Variants in CALN1 observed in about 807,000 individuals in gnomAD.
CALN1 encodes calcium-binding protein 8.
In CALN1, 17 loss-of-function variants were observed where a neutral mutation model predicts 30.6. That is an observed-to-expected ratio of 0.56 (90% confidence interval 0.38 to 0.83). The LOEUF (loss-of-function observed/expected upper bound fraction) is 0.83. CALN1 is among the 40% of genes least tolerant of loss of function. CALN1 has a pLI of 0.00. For missense variants in CALN1, 291 were observed against 354.9 expected (o/e 0.82, Z 1.45); for synonymous variants, 156 against 131.4 (o/e 1.19, Z -1.28).
At chr7:72,292,591 C>A (rs987247904) in intron 2 of CALN1, among the ~76,000 whole-genome samples, 5 of 151,426 alleles carry the variant, frequency 3.3e-5, no homozygotes, top group African/African-American at 7.3e-5. Context: ...GAGGCCAAGG[C>A]AGGTGGATCA....
chr7:72,261,754 A>AC (rs1796287319), intron 3 of CALN1, among the ~76,000 whole-genome samples: 1 of 152,170 alleles, frequency 6.6e-6, no homozygotes, highest in South Asian at 2.1e-4. Context: ...CAGGAAAAAA[A>AC]CACCACCACC....
intron 3 of CALN1, among the ~76,000 whole-genome samples, chr7:72,191,294 A>T (rs889752751): frequency 6.6e-6 from 1 of 152,138 alleles, no homozygotes; most frequent in Non-Finnish European, 1.5e-5. Flanking sequence ...GTGTAAGAGG[A>T]AGGAGAAATG....
At chr7:72,413,590 A>C (rs1001666325), upstream of CALN1, among the ~76,000 whole-genome samples, 69 of 151,864 alleles carry the variant, frequency 4.5e-4, no homozygotes, top group Non-Finnish European at 9.3e-4. Flanking sequence ...ACTCATACAT[A>C]TACACACTAA....
intron 5 of CALN1, among the ~76,000 whole-genome samples, chr7:72,013,135 A>G (rs1181242121): frequency 6.6e-6 from 1 of 151,420 alleles, no homozygotes; most frequent in African/African-American, 2.4e-5. Context: ...TGCTCCATTT[A>G]CCATAACCAT....
At chr7:72,440,968 T>C (rs542703999) in intron 1 of CALN1, among the ~76,000 whole-genome samples, 119 of 152,348 alleles carry the variant, frequency 7.8e-4, no homozygotes, top group African/African-American at 2.8e-3. Flanking sequence ...TTTTTTATGT[T>C]TAGTTTATGA....
At chr7:72,003,106 T>C (rs989234322) in intron 5 of CALN1, among the ~76,000 whole-genome samples, 1 of 152,236 alleles carries the variant, frequency 6.6e-6, no homozygotes, top group Admixed American at 6.5e-5. Flanking sequence ...CATTCCACAA[T>C]GTATACAGAT....
chr7:72,173,116 T>C (rs1789084096), intron 3 of CALN1, among the ~76,000 whole-genome samples: 1 of 152,060 alleles, frequency 6.6e-6, no homozygotes, highest in Non-Finnish European at 1.5e-5. Flanking sequence ...AACAAGGTCA[T>C]AGGATACAAG....
intron 2 of CALN1, chr7:72,337,003 C>G (rs551464802): frequency 1.0e-6 from 1 of 985,484 alleles, no homozygotes; most frequent in Non-Finnish European, 1.2e-6. Context: ...GTCCTCTGCT[C>G]TCGTCTGGGG....
the CALN1 span, among the ~76,000 whole-genome samples, chr7:72,467,434 G>A: frequency 3.9e-5 from 6 of 152,228 alleles, no homozygotes; most frequent in South Asian, 2.1e-4. Context: ...CCTGGAGCTC[G>A]GCCAGGACTC....
At position 72,412,136 on chromosome 7, in the gene CALN1, G is replaced by A. The variant is rs1807210582; in HGVS notation, c.-152C>T. On this transcript the variant is annotated 5_prime_UTR_variant, in exon 1 of 7. Transcript: ENST00000395275. ...AATAAAACCACGGACCTCGCGGTGA[G>A]TGTTACAGCTCTTAAAGATGGCGCG... 3 of 152,838 alleles carry A rather than the reference G, an allele frequency of 2.0e-5. No individual in the cohort carries two copies. The highest frequency in any genetic ancestry group is 2.4e-5 in the African/African-American group (1 of 41,408). The allele number at this position is 152,838 out of a possible 1,614,324, so 9.5% of individuals were successfully genotyped here.
chr7:72,292,482 C>A (rs1217254949), intron 2 of CALN1, among the ~76,000 whole-genome samples: 14 of 148,450 alleles, frequency 9.4e-5, no homozygotes, highest in African/African-American at 3.5e-4. Flanking sequence ...ACCCAATCAC[C>A]TCTCAAAGGC....
chr7:71,884,746 A>G (rs896688842), intron 5 of CALN1, among the ~76,000 whole-genome samples: 3 of 152,120 alleles, frequency 2.0e-5, no homozygotes, highest in Non-Finnish European at 2.9e-5. Context: ...ATTACACAAC[A>G]AGGAATCAAA....
chr7:71,816,451 C>A (rs564077990), intron 5 of CALN1, among the ~76,000 whole-genome samples: 1 of 152,026 alleles, frequency 6.6e-6, no homozygotes, highest in African/African-American at 2.4e-5. Context: ...GATGAGAACA[C>A]CAAGACCCCC....
chr7:72,030,418 C>A lies in CALN1; in HGVS notation c.389-6649G>T, dbSNP rs563637441. Among the ~76,000 whole-genome samples, 11 of 152,312 alleles carry A rather than the reference C, an allele frequency of 7.2e-5. No individual in the cohort carries two copies. The East Asian group carries it at 2.1e-3, about 29-fold the overall frequency. ...CCTCTAATCTACAATTCTATACCAA[C>A]CCTACTGGTAACATAAACATTCAGA... is the stretch of plus-strand genomic sequence containing the variant. On this transcript the variant is annotated intron_variant, in intron 4 of 6. Coordinates refer to ENST00000395275, the MANE Select transcript of CALN1 (RefSeq NM_031468.4).
At chr7:71,796,452 C>T (rs565051821) in intron 6 of CALN1, among the ~76,000 whole-genome samples, 77 of 151,370 alleles carry the variant, frequency 5.1e-4, no homozygotes, top group Non-Finnish European at 6.8e-4. Flanking sequence ...CTCCGCCTCC[C>T]AAATTCAAGT....
chr7:72,332,564 T>C (rs750871252), intron 2 of CALN1, among the ~76,000 whole-genome samples: 3 of 152,004 alleles, frequency 2.0e-5, no homozygotes, highest in Non-Finnish European at 4.4e-5. Context: ...ATAGAAAAGG[T>C]TGGTGATCAT....
chr7:72,094,330 C>T (rs897277991), intron 4 of CALN1, among the ~76,000 whole-genome samples: 10 of 152,168 alleles, frequency 6.6e-5, no homozygotes, highest in African/African-American at 2.4e-4. Flanking sequence ...TCTCAGCTCA[C>T]TGCAACCTCT....
intron 2 of CALN1, among the ~76,000 whole-genome samples, chr7:72,380,712 G>GATAC (rs1490525099): frequency 2.0e-5 from 3 of 147,964 alleles, no homozygotes; most frequent in Non-Finnish European, 3.0e-5. Flanking sequence ...AGATTAGATA[G>GATAC]ATAGATAGAT....
chr7:72,296,808 A>T (rs1798897511), intron 2 of CALN1, among the ~76,000 whole-genome samples: 1 of 150,706 alleles, frequency 6.6e-6, no homozygotes, highest in Admixed American at 6.6e-5. Flanking sequence ...TCAAAAAACC[A>T]GCTCCTGGAT....
Sources: gnomAD v4.1 joint callset for allele counts (sites outside exome capture counted in the v4.1 genomes callset) on GRCh38, gnomAD v4.1.1 for gene constraint, MANE v1.5 for transcripts, NCBI Gene and HGNC (gene_info 2026-07-23, HGNC 2026-07-21) for gene names.